Variants in PPM1D observed in about 807,000 individuals in gnomAD.
PPM1D encodes protein phosphatase 1D.
Under a neutral mutation model 58.3 loss-of-function variants are expected in PPM1D, and 52 were observed. The observed-to-expected ratio is 0.89, with a 90% CI of 0.71 to 1.12. PPM1D has a LOEUF of 1.12. Ranked by LOEUF, PPM1D falls within the 50% of genes most tolerant of loss-of-function variation. The probability of loss-of-function intolerance (pLI) is 0.00; values close to 1 mark genes in which losing one functional copy is unlikely to be tolerated. For missense variants in PPM1D, 564 were observed against 777.2 expected, an observed-to-expected ratio of 0.73 and a Z score of 3.26; for synonymous variants, 278 against 285.1, an observed-to-expected ratio of 0.98 and a Z score of 0.25.
intron 1 of PPM1D, among the ~76,000 whole-genome samples, chr17:60,614,187 T>G (rs1188861450): frequency 2.6e-5 from 4 of 152,180 alleles, no homozygotes; most frequent in Non-Finnish European, 4.4e-5. Flanking sequence ...GCTCGAGGTT[T>G]GTAAACACGC....
In PPM1D at chr17:60,663,668, A is replaced by T. The variant is rs2031572964; in HGVS notation, c.*116A>T. On this transcript the variant is annotated 3_prime_UTR_variant, in exon 6 of 6. Transcript: ENST00000305921. ...AAAATTAAAAGAAATATACAGTTTG[A>T]CTTTTTGGAATTCAGCAGTTTTATC... 1 of 1,151,192 alleles carries T rather than the reference A, an allele frequency of 8.7e-7. No individual in the cohort carries two copies. The highest frequency in any genetic ancestry group is 2.6e-5 in the East Asian group (1 of 39,150). The allele number at this position is 1,151,192 out of a possible 1,614,324, so 71.3% of individuals were successfully genotyped here.
At chr17:60,648,213 T>A in intron 4 of PPM1D, 131 bp downstream of exon 4, 1 of 864,050 alleles carries the variant, frequency 1.2e-6, no homozygotes. Context: ...TGCTAGTGGG[T>A]AAAACATAGG....
At chr17:60,640,006 A>T (rs1390348178) in intron 3 of PPM1D, among the ~76,000 whole-genome samples, 1 of 152,206 alleles carries the variant, frequency 6.6e-6, no homozygotes, top group Non-Finnish European at 1.5e-5. Flanking sequence ...AAAATACTGC[A>T]TTTTATAGGC....
At chr17:60,655,555 G>GT (rs1193525806) in intron 4 of PPM1D, among the ~76,000 whole-genome samples, 1 of 152,082 alleles carries the variant, frequency 6.6e-6, no homozygotes, top group Non-Finnish European at 1.5e-5. Context: ...CGCCATGTTG[G>GT]TCAGGCTGGC....
At chr17:60,617,595 G>A (rs892557691) in intron 1 of PPM1D, among the ~76,000 whole-genome samples, 1 of 151,634 alleles carries the variant, frequency 6.6e-6, no homozygotes, top group African/African-American at 2.4e-5. Context: ...TCAAAAGCTA[G>A]TAAACACCCC....
chr17:60,638,544 T>C (rs1243482371), intron 3 of PPM1D, among the ~76,000 whole-genome samples: 1 of 152,070 alleles, frequency 6.6e-6, no homozygotes, highest in Non-Finnish European at 1.5e-5. Flanking sequence ...GATTTTTGTA[T>C]TTTTAGTAGA....
At position 60,661,335 on chromosome 17, in the gene PPM1D, T is replaced by C. The variant is rs139492813; in HGVS notation, c.1261-1660T>C. On this transcript the variant is annotated intron_variant, in intron 5 of 5. Transcript: ENST00000305921. ...TCTGCTTGGGCTTTTCAGAATCTAT[T>C]AATATTTTGATACATTTGATTGAGA... 1.6e-3 allele frequency among the ~76,000 whole-genome samples: 240 copies of C among 151,426 alleles called. 1 individual carries two copies. The Middle Eastern group carries it at 0.034, about 21-fold the overall frequency.
intron 1 of PPM1D, among the ~76,000 whole-genome samples, chr17:60,620,961 T>C (rs1246157821): frequency 1.1e-4 from 16 of 152,130 alleles, no homozygotes; most frequent in Non-Finnish European, 2.4e-4. Context: ...CTCGCTCTGT[T>C]GCCCAGGCTG....
At chr17:60,657,805 T>G (rs1381789734) in intron 5 of PPM1D, among the ~76,000 whole-genome samples, 1 of 152,180 alleles carries the variant, frequency 6.6e-6, no homozygotes, top group Non-Finnish European at 1.5e-5. Context: ...AATGGCATTA[T>G]CTTGGCTCAC....
intron 1 of PPM1D, among the ~76,000 whole-genome samples, chr17:60,607,493 G>T (rs1286090319): frequency 6.6e-6 from 1 of 152,114 alleles, no homozygotes; most frequent in Non-Finnish European, 1.5e-5. Flanking sequence ...TGTCTCTGGG[G>T]TTTCTCCATG....
At position 60,663,169 on chromosome 17, in the gene PPM1D, GC is replaced by G; in HGVS notation, c.1436del (p.Ala479ValfsTer4). 2 of 1,614,112 alleles carry G rather than the reference GC, an allele frequency of 1.2e-6. No individual in the cohort carries two copies. The highest frequency in any genetic ancestry group is 1.7e-6 in the Non-Finnish European group (2 of 1,179,984). On this transcript the variant is annotated frameshift_variant, in exon 6 of 6. Coordinates refer to ENST00000305921, the MANE Select transcript of PPM1D (RefSeq NM_003620.4). LOFTEE classifies it high-confidence loss of function. The part of the protein sequence containing the change: ...KDPEPLEENC[A>X]KALTLRIHDS... The stretch of plus-strand genomic sequence containing the variant: ...TCCAGAACCACTTGAAGAAAATTGC[GC>G]TAAAGCCCTGACTTTAAGGATACAT...
At chr17:60,643,499 A>G (rs2031176708) in intron 3 of PPM1D, among the ~76,000 whole-genome samples, 1 of 152,228 alleles carries the variant, frequency 6.6e-6, no homozygotes, top group African/African-American at 2.4e-5. Context: ...TCAGTTTATA[A>G]CCGTTATAAT....
At chr17:60,613,880 C>A (rs1223200163) in intron 1 of PPM1D, among the ~76,000 whole-genome samples, 1 of 151,440 alleles carries the variant, frequency 6.6e-6, no homozygotes, top group Non-Finnish European at 1.5e-5. Context: ...TGCAGCCTGC[C>A]ATACCTGAGG....
chr17:60,663,335 T>G lies in PPM1D; in HGVS notation c.1601T>G (p.Phe534Cys). The G allele has an allele frequency of 6.2e-7, 1 of 1,614,090 alleles. No homozygotes were observed. The highest frequency in any genetic ancestry group is 2.2e-5 in the East Asian group (1 of 44,886). ...QEIERTPPTN[F>C]KRTLEESNSG... is the part of the protein sequence containing the mutation. Reference sequence around the variant, plus strand: ...ATTGAAAGAACCCCTCCAACAAACTTTAAAAGGACATTAGAAGAGTCCAAT... The same window carrying G: ...ATTGAAAGAACCCCTCCAACAAACTGTAAAAGGACATTAGAAGAGTCCAAT... The change falls in exon 6 of 6, where the codon TTT (phenylalanine) becomes TGT (cysteine). Residue 534 changes from phenylalanine (F) to cysteine (C), a missense_variant. This residue lies in a region of PPM1D where 261 missense variants were observed against 270.1 expected (regional missense o/e 0.97). Coordinates refer to ENST00000305921, the MANE Select transcript of PPM1D (RefSeq NM_003620.4).
Position 60,663,449 on chromosome 17 carries a change from G to C in PPM1D, c.1715G>C (p.Arg572Pro), listed in dbSNP as rs1179832290. The C allele has an allele frequency of 1.2e-6, 2 of 1,614,106 alleles. No homozygotes were observed. The highest frequency in any genetic ancestry group is 1.3e-5 in the African/African-American group (1 of 75,036). The change falls in exon 6 of 6, where the codon CGA (arginine) becomes CCA (proline). Residue 572 changes from arginine (R) to proline (P), a missense_variant. By Grantham distance (103) the Arg-to-Pro change is moderately radical. This residue lies in a region of PPM1D where 261 missense variants were observed against 270.1 expected (regional missense o/e 0.97). Coordinates refer to ENST00000305921, the MANE Select transcript of PPM1D (RefSeq NM_003620.4). ...GCAAGTCTCCCCACAACCTCACAGC[G>C]AAAGAACTCTGTTAAACTCACCATG... ...QPASLPTTSQ[R>P]KNSVKLTMRR...
chr17:60,600,920 T>G (rs771785926), intron 1 of PPM1D, 34 bp downstream of exon 1: 1 of 1,612,350 alleles, frequency 6.2e-7, no homozygotes, highest in Admixed American at 1.7e-5. Context: ...GCCCGCCCCT[T>G]TTTCAGGCAG....
At chr17:60,649,454 T>C (rs2031305093) in intron 4 of PPM1D, among the ~76,000 whole-genome samples, 1 of 151,836 alleles carries the variant, frequency 6.6e-6, no homozygotes, top group Non-Finnish European at 1.5e-5. Context: ...TTTGGGAGGC[T>C]GAGGCGGGTG....
At chr17:60,634,149 G>A (rs919756131) in intron 3 of PPM1D, among the ~76,000 whole-genome samples, 172 bp downstream of exon 3, 3 of 152,116 alleles carry the variant, frequency 2.0e-5, no homozygotes, top group African/African-American at 4.8e-5. Flanking sequence ...GGTGGCTCAC[G>A]CTTATAATCC....
At chr17:60,649,513 A>G (rs900077680) in intron 4 of PPM1D, among the ~76,000 whole-genome samples, 1 of 152,014 alleles carries the variant, frequency 6.6e-6, no homozygotes, top group Non-Finnish European at 1.5e-5. Flanking sequence ...AACATGATGA[A>G]ACCCCACCTC....
Sources: gnomAD v4.1 joint callset for allele counts (sites outside exome capture counted in the v4.1 genomes callset) on GRCh38, gnomAD v4.1.1 for gene constraint, gnomAD v4.1.1 regional missense constraint, MANE v1.5 for transcripts, NCBI Gene and HGNC (gene_info 2026-07-23, HGNC 2026-07-21) for gene names.